The following ANK3 variants were observed in gnomAD, a reference collection of about 807,000 sequenced individuals.
ANK3 encodes ankyrin 3.
In ANK3, 57 loss-of-function variants were observed where a neutral mutation model predicts 370.9. The ratio of observed to expected loss-of-function variants is 0.15; its 90% CI spans 0.12 to 0.19. The LOEUF (loss-of-function observed/expected upper bound fraction) is 0.19. Ranked by LOEUF, ANK3 falls within the 10% of genes least tolerant of loss-of-function variation. ANK3 has a pLI of 1.00. For missense variants in ANK3, 4,439 were observed against 5,302.1 expected (o/e 0.84, Z 5.06); for synonymous variants, 1,929 against 1,946.3 (o/e 0.99, Z 0.23).
At chr10:60,444,455 T>C (rs1177433788) in intron 2 of ANK3, among the ~76,000 whole-genome samples, 3 of 150,954 alleles carry the variant, frequency 2.0e-5, no homozygotes, top group South Asian at 2.1e-4. Flanking sequence ...TATATATATA[T>C]ATATATATAA....
chr10:60,422,679 T>C (rs2063803306), intron 2 of ANK3, among the ~76,000 whole-genome samples: 2 of 152,094 alleles, frequency 1.3e-5, no homozygotes, highest in Admixed American at 1.3e-4. Flanking sequence ...CCTCCTAAGC[T>C]GTAATGGCAT....
chr10:60,484,906 A>G (rs894291952), intron 2 of ANK3, among the ~76,000 whole-genome samples: 6 of 152,164 alleles, frequency 3.9e-5, no homozygotes, highest in Admixed American at 2.6e-4. Context: ...ACATACACAC[A>G]CATATGTGTG....
chr10:60,683,673 C>T (rs1192011839), intron 1 of ANK3, among the ~76,000 whole-genome samples: 1 of 152,238 alleles, frequency 6.6e-6, no homozygotes, highest in African/African-American at 2.4e-5. Flanking sequence ...AACTCCCTTA[C>T]ACTCCTTTCT....
intron 2 of ANK3, among the ~76,000 whole-genome samples, chr10:60,560,693 A>G (rs1360018608): frequency 6.6e-6 from 1 of 152,218 alleles, no homozygotes; most frequent in Non-Finnish European, 1.5e-5. Flanking sequence ...CATTTGTAGT[A>G]GGAGGAAATC....
At chr10:60,064,861 C>T (rs2081328502) in intron 38 of ANK3, among the ~76,000 whole-genome samples, 1 of 152,058 alleles carries the variant, frequency 6.6e-6, no homozygotes, top group Non-Finnish European at 1.5e-5. Flanking sequence ...GACCCTATCT[C>T]AAAAAATAAA....
At chr10:60,726,210 A>G (rs1190413895) in intron 1 of ANK3, among the ~76,000 whole-genome samples, 4 of 152,038 alleles carry the variant, frequency 2.6e-5, no homozygotes, top group African/African-American at 9.7e-5. Context: ...TTAATCCTTC[A>G]TATAAAAAAA....
intron 1 of ANK3, among the ~76,000 whole-genome samples, chr10:60,713,774 C>T (rs1242232042): frequency 6.6e-6 from 1 of 151,944 alleles, no homozygotes; most frequent in African/African-American, 2.4e-5. Context: ...CTTATAATCC[C>T]AGCTACTCGG....
intron 2 of ANK3, among the ~76,000 whole-genome samples, chr10:60,545,173 A>G (rs2076935277): frequency 6.6e-6 from 1 of 151,966 alleles, no homozygotes; most frequent in Non-Finnish European, 1.5e-5. Context: ...AAACCTAGGG[A>G]TGCTTTTAGA....
chr10:60,682,397 A>ATT (rs11424594), intron 1 of ANK3, among the ~76,000 whole-genome samples: 24,593 of 148,304 alleles, frequency 0.17, 2,167 homozygotes, highest in Middle Eastern at 0.28. Context: ...TCCGAGCCTC[A>ATT]TTTTTTTTTT....
At chr10:60,603,435 G>T (rs572278648) in intron 2 of ANK3, among the ~76,000 whole-genome samples, 1 of 152,198 alleles carries the variant, frequency 6.6e-6, no homozygotes, top group Non-Finnish European at 1.5e-5. Context: ...TCTTCCTATA[G>T]TAGGCCAAAT....
chr10:60,140,248 T>TA, intron 23 of ANK3: 2 of 1,232,798 alleles, frequency 1.6e-6, no homozygotes, highest in East Asian at 4.7e-5. Context: ...TGCTACCCAG[T>TA]ACCAAGAGAT....
In ANK3 at chr10:60,198,377, A is replaced by G. The variant is rs1326497154; in HGVS notation, c.1652T>C (p.Leu551Pro). 6.2e-7 allele frequency: 1 copy of G among 1,614,236 alleles called. No homozygotes were observed. The highest frequency in any genetic ancestry group is 8.5e-7 in the Non-Finnish European group (1 of 1,180,036). ...AGATAAAGACGCTCCATGATCCAAA[A>G]GGAACGCGGCCACATCCTCATGCCC... ...REGHEDVAAF[L>P]LDHGASLSIT... Residue 551 changes from leucine (L) to proline (P), a missense_variant, in exon 14 of 44, where the codon CTT becomes CCT. By Grantham distance (98) the Leu-to-Pro change is moderately conservative. Coordinates refer to ENST00000280772, the MANE Select transcript of ANK3 (RefSeq NM_020987.5).
At chr10:60,351,828 C>A (rs1323218471) in intron 1 of ANK3, among the ~76,000 whole-genome samples, 1 of 152,052 alleles carries the variant, frequency 6.6e-6, no homozygotes, top group Non-Finnish European at 1.5e-5. Context: ...TAAAGGTACA[C>A]CTCCCTGTTA....
chr10:60,521,973 G>A (rs1382474648), intron 2 of ANK3, among the ~76,000 whole-genome samples: 1 of 152,090 alleles, frequency 6.6e-6, no homozygotes, highest in Non-Finnish European at 1.5e-5. Context: ...GGGGAGACTA[G>A]GTAGCATTGC....
intron 2 of ANK3, among the ~76,000 whole-genome samples, chr10:60,475,658 T>C (rs1331897088): frequency 2.0e-5 from 3 of 152,164 alleles, no homozygotes; most frequent in Non-Finnish European, 2.9e-5. Flanking sequence ...TTATAAAATT[T>C]AGAGGGATTT....
chr10:60,330,511 A>G (rs1464893157), intron 1 of ANK3, among the ~76,000 whole-genome samples: 1 of 152,210 alleles, frequency 6.6e-6, no homozygotes, highest in African/African-American at 2.4e-5. Context: ...GCCAACAAAC[A>G]TGAAAAAAAA....
At chr10:60,315,542 G>A (rs928157129) in intron 1 of ANK3, among the ~76,000 whole-genome samples, 12 of 152,202 alleles carry the variant, frequency 7.9e-5, no homozygotes, top group African/African-American at 2.4e-4. Flanking sequence ...TGCCAAAAGA[G>A]CTGTTAGAAA....
At chr10:60,458,825 C>T (rs1158938648) in intron 2 of ANK3, among the ~76,000 whole-genome samples, 3 of 152,018 alleles carry the variant, frequency 2.0e-5, no homozygotes, top group African/African-American at 7.2e-5. Flanking sequence ...TGGGGTCATG[C>T]TTGAGGGTCT....
intron 2 of ANK3, among the ~76,000 whole-genome samples, chr10:60,474,449 C>T (rs531247379): frequency 1.6e-4 from 24 of 152,212 alleles, no homozygotes; most frequent in Admixed American, 3.9e-4. Context: ...AAGATGCCTC[C>T]GCCTCTCTCT....
Sources: gnomAD v4.1 joint callset for allele counts (sites outside exome capture counted in the v4.1 genomes callset) on GRCh38, gnomAD v4.1.1 for gene constraint, MANE v1.5 for transcripts, NCBI Gene and HGNC (gene_info 2026-07-23, HGNC 2026-07-21) for gene names.